Variants in DICER1 observed in about 807,000 individuals in gnomAD.
The protein encoded by DICER1 is dicer 1, ribonuclease III.
DICER1 carries 43 observed loss-of-function variants against 194.1 expected under a neutral mutation model. The observed-to-expected ratio is 0.22, with a 90% CI of 0.17 to 0.29. The LOEUF (loss-of-function observed/expected upper bound fraction) is 0.29, where lower values mean the gene tolerates loss of function less well. Among genes scored for constraint, DICER1 ranks in the 10% least tolerant of loss-of-function variants. DICER1 has a pLI of 1.00. For missense variants in DICER1, 1,608 were observed against 2,317.0 expected (o/e 0.69, Z 6.28); for synonymous variants, 832 against 820.5 (o/e 1.01, Z -0.24).
chr14:95,112,954 T>C (rs1047561940), intron 12 of DICER1, 138 bp downstream of exon 12: 22 of 881,568 alleles, frequency 2.5e-5, no homozygotes, highest in Non-Finnish European at 3.6e-5. Context: ...ATTTTTGGTC[T>C]GTCAACACAA....
intron 14 of DICER1, 41 bp downstream of exon 14, chr14:95,111,276 C>T (rs145258759): frequency 1.2e-6 from 2 of 1,613,468 alleles, no homozygotes; most frequent in Non-Finnish European, 1.7e-6. Flanking sequence ...AAAACAAAGT[C>T]AGAAATGCTA....
chr14:95,099,746 ACAC>A, intron 22 of DICER1, 31 bp downstream of exon 22: 1 of 1,457,904 alleles, frequency 6.9e-7, no homozygotes, highest in Non-Finnish European at 9.4e-7. Context: ...ACACACACAC[ACAC>A]ACACACACAC....
chr14:95,132,310 T>C (rs899769893), intron 3 of DICER1, among the ~76,000 whole-genome samples: 2 of 152,138 alleles, frequency 1.3e-5, no homozygotes, highest in African/African-American at 4.8e-5. Context: ...AAGCAATCCA[T>C]TCAAAAGAAA....
intron 21 of DICER1, among the ~76,000 whole-genome samples, chr14:95,100,482 A>G (rs1890780730): frequency 6.6e-6 from 1 of 152,198 alleles, no homozygotes; most frequent in Non-Finnish European, 1.5e-5. Flanking sequence ...CTCAAATATT[A>G]TTCCTTTGTT....
At chr14:95,136,086 TACACACACACACACACACACAC>T in intron 1 of DICER1, among the ~76,000 whole-genome samples, 1 of 146,652 alleles carries the variant, frequency 6.8e-6, no homozygotes, top group South Asian at 2.2e-4. Flanking sequence ...TACATGTAGA[TACACACACACACACACACACAC>T]ACACACACAC....
Position 95,105,651 on chromosome 14 carries a change from G to A in DICER1, c.3093+27C>T. 1.4e-6 allele frequency: 2 copies of A among 1,436,510 alleles called. No individual in the cohort carries two copies. Among genetic ancestry groups the A allele is most frequent in the South Asian group, 2.3e-5 (2 of 87,416 alleles). 89.0% of individuals were successfully genotyped at this position (1,436,510 alleles called of 1,614,324 possible). ...TCTTTAATACTCAAACAAATACTAA[G>A]TTATGCTAGTACAATTAACTCATTA... On this transcript the variant is annotated intron_variant, in intron 19 of 26. Coordinates refer to ENST00000343455, the MANE Select transcript of DICER1 (RefSeq NM_177438.3). This position sits in a 1 kb window ranked among gnomAD's most constrained non-coding sequence, Gnocchi z 4.9.
At chr14:95,151,829 A>C (rs1474102046) in intron 1 of DICER1, among the ~76,000 whole-genome samples, 1 of 152,204 alleles carries the variant, frequency 6.6e-6, no homozygotes, top group Admixed American at 6.5e-5. Context: ...GATGTTACCA[A>C]AAGAGGAAAG....
intron 8 of DICER1, among the ~76,000 whole-genome samples, chr14:95,120,097 G>A (rs752637570): frequency 1.3e-5 from 2 of 152,162 alleles, no homozygotes; most frequent in Non-Finnish European, 2.9e-5. Context: ...ACAACCATAA[G>A]AGGAAAAGAA....
intron 11 of DICER1, among the ~76,000 whole-genome samples, chr14:95,114,700 C>A (rs1323798055): frequency 1.3e-5 from 2 of 152,106 alleles, no homozygotes; most frequent in African/African-American, 2.4e-5. Context: ...AGAAAACTGG[C>A]AGACTTCACT....
intron 1 of DICER1, among the ~76,000 whole-genome samples, chr14:95,153,230 A>AG (rs1895631878): frequency 6.6e-6 from 1 of 152,002 alleles, no homozygotes; most frequent in Non-Finnish European, 1.5e-5. Context: ...AAAAAAAAAA[A>AG]GACTGGGTGA....
chr14:95,127,382 G>C (rs1893565283), intron 6 of DICER1, among the ~76,000 whole-genome samples: 1 of 152,192 alleles, frequency 6.6e-6, no homozygotes, highest in African/African-American at 2.4e-5. Flanking sequence ...CACAGGTTGA[G>C]TGCCCTTATC....
intron 8 of DICER1, among the ~76,000 whole-genome samples, chr14:95,121,242 G>A (rs1344706973): frequency 6.6e-6 from 1 of 152,152 alleles, no homozygotes; most frequent in Non-Finnish European, 1.5e-5. Context: ...AGGAAACTGG[G>A]TAGATACTGA....
At chr14:95,148,863 TAACAC>T (rs1267378417) in intron 1 of DICER1, among the ~76,000 whole-genome samples, 1 of 152,248 alleles carries the variant, frequency 6.6e-6, no homozygotes, top group East Asian at 1.9e-4. Context: ...CATAAATACT[TAACAC>T]ATCACTAGCT....
chr14:95,112,066 A>AAT, intron 13 of DICER1, 106 bp downstream of exon 13: 1 of 941,116 alleles, frequency 1.1e-6, no homozygotes, highest in Non-Finnish European at 1.7e-6. Context: ...TCAGCAAGTG[A>AAT]ATAGCTCTAC....
chr14:95,128,691 C>A (rs1280143861), intron 6 of DICER1, among the ~76,000 whole-genome samples: 1 of 152,194 alleles, frequency 6.6e-6, no homozygotes. Context: ...CTCAAGGTCA[C>A]ACAGCTTACA....
Position 95,096,199 on chromosome 14 carries a change from C to T in DICER1, c.4721G>A (p.Cys1574Tyr). Residue 1574 changes from cysteine to tyrosine, a missense_variant, in exon 23 of 27, where the codon TGT (cysteine) becomes TAT (tyrosine). By Grantham distance (194) the Cys-to-Tyr change is radical. This residue lies in a region of DICER1 where 125 missense variants were observed against 134.9 expected (regional missense o/e 0.93). Transcript: ENST00000343455. ...EALLGCYLTS[C>Y]GERAAQLFLC... The stretch of plus-strand genomic sequence containing the variant: ...GAAAAGCTGAGCAGCCCTCTCCCCA[C>T]AGCTGGTTAAATAGCAGCCCAGCAG... 5 of 1,614,246 alleles carry T rather than the reference C, an allele frequency of 3.1e-6. No homozygotes were observed. Among genetic ancestry groups the T allele is most frequent in the Non-Finnish European group, 3.4e-6 (4 of 1,180,042 alleles).
rs1457945740 is a variant in DICER1 at position 95,132,974 on chromosome 14, G to A, written c.145-297C>T. On this transcript the variant is annotated intron_variant, in intron 2 of 26. Coordinates refer to ENST00000343455, the MANE Select transcript of DICER1 (RefSeq NM_177438.3). ...AGAATAACATGAATGACTAAACTTA[G>A]AGTAATCGTGGTTCTGCCAGTTCAT... Among the ~76,000 whole-genome samples, 3 of 152,118 alleles carry A rather than the reference G, an allele frequency of 2.0e-5. No homozygotes were observed. In the East Asian group the frequency reaches 5.8e-4, roughly 29 times the overall value.
At chr14:95,135,987 C>T (rs183444646) in intron 1 of DICER1, among the ~76,000 whole-genome samples, 61 of 152,182 alleles carry the variant, frequency 4.0e-4, no homozygotes, top group African/African-American at 1.4e-3. Context: ...AGACAATACT[C>T]TTATTGTTAG....
rs1890339895 is a variant in DICER1 at position 95,096,406 on chromosome 14, G to C, written c.4514C>G (p.Ser1505Cys). The C allele has an allele frequency of 6.2e-7, 1 of 1,614,170 alleles. No individual in the cohort carries two copies. ...ATCCAGATAGCACATTGCATCCCAA[G>C]AGCTGTAGTCAAAATCCTCAAAATC... is the stretch of plus-strand genomic sequence containing the variant. ...SSDFEDFDYS[S>C]WDAMCYLDPS... The change falls in exon 23 of 27, where the codon TCT (serine) becomes TGT (cysteine). Residue 1505 changes from serine to cysteine, a missense_variant. Physicochemically the swap from Ser to Cys is moderately radical, Grantham distance 112 (BLOSUM62 -1). This residue lies in a region of DICER1 where 164 missense variants were observed against 183.7 expected (regional missense o/e 0.89). Coordinates refer to ENST00000343455, the MANE Select transcript of DICER1 (RefSeq NM_177438.3).
Sources: allele counts gnomAD v4.1 joint callset (sites outside exome capture counted in the v4.1 genomes callset), GRCh38; gene constraint gnomAD v4.1.1; regional missense constraint gnomAD v4.1.1; non-coding constraint Gnocchi (gnomAD v3.1); transcripts MANE v1.5; gene names NCBI Gene and HGNC (gene_info 2026-07-23, HGNC 2026-07-21).